Variants in SBF2 observed in about 807,000 individuals in gnomAD.
SBF2 encodes SET binding factor 2.
In SBF2, 112 loss-of-function variants were observed where a neutral mutation model predicts 225.2. The observed-to-expected ratio is 0.50, with a 90% CI of 0.43 to 0.58. SBF2 has a LOEUF of 0.58. SBF2 is among the 20% of genes least tolerant of loss of function. The probability of loss-of-function intolerance (pLI) is 0.00; values close to 1 mark genes in which losing one functional copy is unlikely to be tolerated. For synonymous variants in SBF2, 763 were observed against 773.3 expected, an observed-to-expected ratio of 0.99 and a Z score of 0.22; for missense variants, 1,996 against 2,206.2, an observed-to-expected ratio of 0.90 and a Z score of 1.91.
At chr11:10,193,033 A>G (rs550895101) in intron 2 of SBF2, among the ~76,000 whole-genome samples, 2 of 152,324 alleles carry the variant, frequency 1.3e-5, no homozygotes, top group East Asian at 3.9e-4. Flanking sequence ...ATTCCTTTAA[A>G]ACGGGTAACA....
intron 16 of SBF2, among the ~76,000 whole-genome samples, chr11:9,942,508 G>A (rs1159438076): frequency 6.6e-6 from 1 of 152,152 alleles, no homozygotes; most frequent in African/African-American, 2.4e-5. Context: ...AAGTGAATAA[G>A]GTTATTCTAA....
intron 16 of SBF2, among the ~76,000 whole-genome samples, chr11:9,945,885 C>G (rs1351469718): frequency 6.6e-6 from 1 of 151,900 alleles, no homozygotes; most frequent in African/African-American, 2.4e-5. Context: ...AATGAGATAC[C>G]ATCTCACACG....
chr11:9,975,399 A>G (rs1185634486), intron 13 of SBF2, among the ~76,000 whole-genome samples: 2 of 152,222 alleles, frequency 1.3e-5, no homozygotes. Context: ...TCAAAAAACT[A>G]CATAATGCCA....
intron 16 of SBF2, chr11:9,958,927 G>A (rs1866378279): frequency 2.4e-5 from 16 of 680,542 alleles, no homozygotes; most frequent in South Asian, 2.0e-4. Flanking sequence ...CAGAAAAGTC[G>A]TTGATGTTAG....
intron 2 of SBF2, among the ~76,000 whole-genome samples, chr11:10,144,004 C>A (rs1954773770): frequency 6.6e-6 from 1 of 152,164 alleles, no homozygotes; most frequent in African/African-American, 2.4e-5. Flanking sequence ...CAGGCGTGAG[C>A]CACTGTGCCC....
chr11:9,909,669 CAAAA>C (rs10595029), intron 16 of SBF2, among the ~76,000 whole-genome samples: 11 of 123,108 alleles, frequency 8.9e-5, no homozygotes, highest in Admixed American at 1.6e-4. Context: ...GACTCTGTCT[CAAAA>C]AAAAAAAAAA....
chr11:9,958,691 G>C, intron 16 of SBF2: 1 of 333,436 alleles, frequency 3.0e-6, no homozygotes, highest in South Asian at 2.9e-5. Context: ...AAGAGTTGGA[G>C]TTGGATGAAG....
At chr11:10,259,576 C>G (rs1961228954) in intron 1 of SBF2, among the ~76,000 whole-genome samples, 1 of 152,158 alleles carries the variant, frequency 6.6e-6, no homozygotes, top group African/African-American at 2.4e-5. Context: ...GCCTTAGCCA[C>G]AGGGAATCCC....
rs185404562 is a variant in SBF2, at chr11:10,119,625, T to C, written c.141+74277A>G. On this transcript the variant is annotated intron_variant, in intron 2 of 39. Coordinates refer to ENST00000256190, the MANE Select transcript of SBF2 (RefSeq NM_030962.4). The stretch of plus-strand genomic sequence containing the variant: ...ATTATTTCTTCATTTATTAAAGTGA[T>C]TCTCTGTTTTAAACTCTGATGGCTA... 3.7e-4 allele frequency among the ~76,000 whole-genome samples: 57 copies of C among 152,312 alleles called. 1 individual carries two copies. Among genetic ancestry groups the C allele is most frequent in the African/African-American group, 1.2e-3 (51 of 41,582 alleles).
chr11:10,267,813 G>A (rs1962139156), intron 1 of SBF2, among the ~76,000 whole-genome samples: 1 of 152,098 alleles, frequency 6.6e-6, no homozygotes. Context: ...AGGGAGAAGG[G>A]AGTAATATGG....
intron 1 of SBF2, among the ~76,000 whole-genome samples, chr11:10,235,897 C>T (rs1959053106): frequency 6.6e-6 from 1 of 152,068 alleles, no homozygotes; most frequent in African/African-American, 2.4e-5. Context: ...GTGAGACCCC[C>T]CATCTCCACA....
rs1366405393 is a variant in SBF2, at chr11:10,072,846, T to C, written c.142-29865A>G. ...TCCCAGGGTCAAGCAATCATGATCC[T>C]GTCAAGTAGCTAGGACTACAGATGC... On this transcript the variant is annotated intron_variant, in intron 2 of 39. Transcript: ENST00000256190. 2.6e-5 allele frequency among the ~76,000 whole-genome samples: 4 copies of C among 151,626 alleles called. 1 individual carries two copies. Among genetic ancestry groups the C allele is most frequent in the Middle Eastern group, 6.8e-3 (2 of 292 alleles).
intron 2 of SBF2, among the ~76,000 whole-genome samples, chr11:10,131,135 C>T (rs952987502): frequency 3.3e-5 from 5 of 152,138 alleles, no homozygotes; most frequent in African/African-American, 1.2e-4. Context: ...TACTATTTTA[C>T]AACTCCTACC....
intron 16 of SBF2, among the ~76,000 whole-genome samples, chr11:9,928,054 G>T (rs1046923069): frequency 2.0e-5 from 3 of 152,044 alleles, no homozygotes; most frequent in African/African-American, 7.2e-5. Context: ...GTTTAGAGAA[G>T]ACTTCTTAGA....
rs895141835 is a variant in SBF2 at position 9,795,885 on chromosome 11, A to C, written c.4516T>G (p.Ser1506Ala). 3 of 1,613,810 alleles carry C rather than the reference A, an allele frequency of 1.9e-6. No individual in the cohort carries two copies. Among genetic ancestry groups the C allele is most frequent in the Admixed American group, 3.3e-5 (2 of 60,032 alleles). ...YLKFLAFHYV[S>A]NRFKTFLLDS... ...AGGAGAAATGTTTTAAAGCGATTAG[A>C]CACATAGTGGAAAGCCAAGAACTTT... The change falls in exon 33 of 40, where the codon TCT becomes GCT. Residue 1506 changes from serine (S) to alanine (A), a missense_variant. By Grantham distance (99) the Ser-to-Ala change is moderately conservative. Coordinates refer to ENST00000256190, the MANE Select transcript of SBF2 (RefSeq NM_030962.4).
intron 16 of SBF2, chr11:9,956,599 G>T (rs1866187907): frequency 7.4e-6 from 1 of 134,584 alleles, no homozygotes; most frequent in African/African-American, 2.8e-5. Flanking sequence ...TCTTATGTTA[G>T]GCTGATTTAT....
rs9645624 is a variant in SBF2, at chr11:9,842,380, A to C, written c.3256+245T>G. 0.82 allele frequency among the ~76,000 whole-genome samples: 125,362 copies of C among 152,064 alleles called. 52,685 individuals are homozygous for C. The highest frequency in any genetic ancestry group is 0.89 in the Non-Finnish European group (60,328 of 67,988). ...CCCTTCTTTCTTCTTTTAATGAGAC[A>C]CACATAAAAATGACCAATTAGCTGT... On this transcript the variant is annotated intron_variant, in intron 25 of 39. Transcript: ENST00000256190.
At chr11:10,275,946 A>G (rs1463152378) in intron 1 of SBF2, among the ~76,000 whole-genome samples, 1 of 152,198 alleles carries the variant, frequency 6.6e-6, no homozygotes, top group African/African-American at 2.4e-5. Context: ...TACAGGTTTC[A>G]ACATTTGAAA....
intron 2 of SBF2, among the ~76,000 whole-genome samples, chr11:10,089,577 T>G (rs1436492263): frequency 6.6e-6 from 1 of 152,198 alleles, no homozygotes; most frequent in Non-Finnish European, 1.5e-5. Flanking sequence ...CAGAGTACTT[T>G]ATTTAGTACC....
Sources: gnomAD v4.1 joint callset for allele counts (sites outside exome capture counted in the v4.1 genomes callset) on GRCh38, gnomAD v4.1.1 for gene constraint, MANE v1.5 for transcripts, NCBI Gene and HGNC (gene_info 2026-07-23, HGNC 2026-07-21) for gene names.